PCA3: variants seen among roughly 807,000 people sequenced by gnomAD.
PCA3 encodes the protein Differential Display code 3.
chr9:76,774,125 A>AT (rs1364938439), intron 2 of PCA3, among the ~76,000 whole-genome samples: 1 of 152,048 alleles, frequency 6.6e-6, no homozygotes, highest in East Asian at 1.9e-4. Context: ...ATTCTTTTTT[A>AT]TTTTTTAATT....
intron 2 of PCA3, chr9:76,783,974 C>T (rs2054701747): frequency 2.0e-5 from 3 of 152,232 alleles, no homozygotes; most frequent in South Asian, 4.1e-4. Context: ...TTCCTACTCA[C>T]TGTCCTCCCG....
At chr9:76,774,270 G>A (rs1485319546) in intron 2 of PCA3, among the ~76,000 whole-genome samples, 2 of 151,610 alleles carry the variant, frequency 1.3e-5, no homozygotes, top group South Asian at 2.1e-4. Context: ...TGAGTAAGTG[G>A]GACTACAGGT....
intron 2 of PCA3, among the ~76,000 whole-genome samples, chr9:76,766,212 T>C (rs1589100449): frequency 6.7e-6 from 1 of 150,118 alleles, no homozygotes; most frequent in Admixed American, 6.7e-5. Flanking sequence ...TTTAGAAATA[T>C]ACCAAAGTAA....
intron 2 of PCA3, among the ~76,000 whole-genome samples, chr9:76,767,054 A>G (rs1019496716): frequency 6.6e-6 from 1 of 152,194 alleles, no homozygotes; most frequent in African/African-American, 2.4e-5. Flanking sequence ...GTATTCTGGT[A>G]TAGCGTCTCC....
chr9:76,774,428 G>A (rs1403799383), intron 2 of PCA3, among the ~76,000 whole-genome samples: 4 of 118,154 alleles, frequency 3.4e-5, no homozygotes, highest in African/African-American at 7.9e-5. Flanking sequence ...ATGAGCCATC[G>A]TTCCTGGCCT....
At chr9:76,779,603 T>C (rs1298307774) in intron 2 of PCA3, 1 of 152,198 alleles carries the variant, frequency 6.6e-6, no homozygotes, top group African/African-American at 2.4e-5. Context: ...TTTATTCAAC[T>C]AAATAGGTAA....
Position 76,767,577 on chromosome 9 carries a change from G to A in PCA3, n.852+30962G>A, listed in dbSNP as rs967524599. ...AAAAGAACTATTTTCCAGAACCTTC[G>A]CTTCTGTGACTGCATGACACTACTC... On this transcript the variant is annotated intron_variant and non_coding_transcript_variant, in intron 2 of 5. Coordinates refer to ENST00000644657, the Ensembl canonical transcript of PCA3. Among the ~76,000 whole-genome samples, 12 of 152,072 alleles carry A rather than the reference G, an allele frequency of 7.9e-5. 1 individual carries two copies. The highest frequency in any genetic ancestry group is 6.5e-4 in the Admixed American group (10 of 15,274).
intron 2 of PCA3, among the ~76,000 whole-genome samples, chr9:76,781,439 C>T (rs757727963): frequency 2.6e-5 from 4 of 152,194 alleles, no homozygotes; most frequent in Non-Finnish European, 5.9e-5. Context: ...ACTTCAGAGC[C>T]TTTGCACTGC....
At chr9:76,787,325 T>C (rs1199501972) in intron 2 of PCA3, 1 of 152,110 alleles carries the variant, frequency 6.6e-6, no homozygotes, top group Non-Finnish European at 1.5e-5. Context: ...TTCTCTATAG[T>C]ATCAATTTAT....
At chr9:76,768,546 G>A (rs540545142) in intron 2 of PCA3, among the ~76,000 whole-genome samples, 1 of 150,952 alleles carries the variant, frequency 6.6e-6, no homozygotes, top group East Asian at 2.0e-4. Context: ...CGTTCTCTGG[G>A]TCTCTTATCT....
At chr9:76,784,425 G>A (rs151068932) in intron 2 of PCA3, 84 of 152,254 alleles carry the variant, frequency 5.5e-4, no homozygotes, top group African/African-American at 2.0e-3. Flanking sequence ...AGATAACCAC[G>A]GGGCAGAGGG....
intron 2 of PCA3, among the ~76,000 whole-genome samples, chr9:76,775,763 T>C (rs894270899): frequency 2.0e-5 from 3 of 152,234 alleles, no homozygotes; most frequent in Admixed American, 2.0e-4. Context: ...CTCTTGGGCC[T>C]TACCTCTCCC....
At chr9:76,776,047 A>G (rs1263734445) in intron 2 of PCA3, among the ~76,000 whole-genome samples, 2 of 152,264 alleles carry the variant, frequency 1.3e-5, no homozygotes. Flanking sequence ...TCCCTTCTTT[A>G]TAACTACAAA....
intron 2 of PCA3, among the ~76,000 whole-genome samples, chr9:76,776,342 T>C (rs1253433692): frequency 3.3e-5 from 5 of 151,678 alleles, no homozygotes; most frequent in Admixed American, 2.0e-4. Flanking sequence ...TCTGTGTCCA[T>C]GTGTACACAC....
intron 2 of PCA3, among the ~76,000 whole-genome samples, chr9:76,766,182 C>CA (rs35059224): frequency 0.36 from 40,290 of 112,004 alleles, 6,592 homozygotes; most frequent in South Asian, 0.48. Context: ...GACTCTGCCT[C>CA]AAAAAAAAAA....
intron 2 of PCA3, chr9:76,779,527 A>G (rs1478779210): frequency 1.3e-5 from 2 of 152,184 alleles, no homozygotes; most frequent in African/African-American, 4.8e-5. Flanking sequence ...ATTTTAAGAG[A>G]AAGTTTTAGA....
chr9:76,766,131 C>G (rs574118578), intron 2 of PCA3, among the ~76,000 whole-genome samples: 2 of 146,570 alleles, frequency 1.4e-5, no homozygotes, highest in South Asian at 4.5e-4. Context: ...TGCAGTGAGC[C>G]AAGATTGCGC....
chr9:76,765,497 G>A (rs1022395610), intron 2 of PCA3, among the ~76,000 whole-genome samples: 1 of 152,170 alleles, frequency 6.6e-6, no homozygotes, highest in Non-Finnish European at 1.5e-5. Context: ...ATAGAGACAG[G>A]CACTATAAAC....
At chr9:76,782,338 G>A (rs969763326) in intron 2 of PCA3, among the ~76,000 whole-genome samples, 2 of 152,196 alleles carry the variant, frequency 1.3e-5, no homozygotes, top group Non-Finnish European at 2.9e-5. Flanking sequence ...TTCTGGGGAG[G>A]AACAGTCAGC....
Sources: allele counts gnomAD v4.1 joint callset (sites outside exome capture counted in the v4.1 genomes callset), GRCh38; gene constraint gnomAD v4.1.1; transcripts MANE v1.5; gene names NCBI Gene and HGNC (gene_info 2026-07-23, HGNC 2026-07-21).